The following GNB4 variants were observed in gnomAD, a reference collection of about 807,000 sequenced individuals.
GNB4 encodes the protein guanine nucleotide-binding protein subunit beta-4.
A neutral mutation model predicts 45.2 loss-of-function variants in GNB4; 28 were observed. That is an observed-to-expected ratio of 0.62 (90% confidence interval 0.46 to 0.85). The LOEUF is 0.85. GNB4 is among the 40% of genes least tolerant of loss of function. GNB4 has a pLI of 0.00. For synonymous variants in GNB4, 132 were observed against 143.7 expected, an observed-to-expected ratio of 0.92 and a Z score of 0.58; for missense variants, 321 against 425.4, an observed-to-expected ratio of 0.75 and a Z score of 2.16.
chr3:179,405,171 T>C lies in GNB4; in HGVS notation c.916+19A>G. On this transcript the variant is annotated intron_variant, in intron 9 of 9. Coordinates refer to ENST00000232564, the MANE Select transcript of GNB4 (RefSeq NM_021629.4). ...ACGCTTCCTGAAAATCAGAACCTAATGTGGACTTATTTACTAACCTGCACG... is the reference window on the plus strand; with the variant it reads ...ACGCTTCCTGAAAATCAGAACCTAACGTGGACTTATTTACTAACCTGCACG... 2 of 1,589,862 alleles carry C rather than the reference T, an allele frequency of 1.3e-6. No individual in the cohort carries two copies. Among genetic ancestry groups the C allele is most frequent in the Non-Finnish European group, 1.7e-6 (2 of 1,160,758 alleles).
rs201472686 is a variant in GNB4 at position 179,405,160 on chromosome 3, T to C, written c.916+30A>G. On this transcript the variant is annotated intron_variant, in intron 9 of 9. Transcript: ENST00000232564. ...GGAACCTCTTCACGCTTCCTGAAAA[T>C]CAGAACCTAATGTGGACTTATTTAC... 1.2e-5 allele frequency: 18 copies of C among 1,560,646 alleles called. No individual in the cohort carries two copies. The African/African-American group carries it at 1.6e-4, about 14-fold the overall frequency.
the GNB4 span, among the ~76,000 whole-genome samples, chr3:179,517,811 G>A: frequency 3.9e-5 from 6 of 152,286 alleles, no homozygotes; most frequent in African/African-American, 7.2e-5. Flanking sequence ...CACCGGTAAC[G>A]GACTCGGGAA....
At chr3:179,415,690 C>T (rs548724753) in intron 5 of GNB4, among the ~76,000 whole-genome samples, 27 of 152,202 alleles carry the variant, frequency 1.8e-4, no homozygotes, top group East Asian at 1.5e-3. Flanking sequence ...GGAATCAACA[C>T]GTGGCAGGAT....
chr3:179,525,837 T>C, the GNB4 span, among the ~76,000 whole-genome samples: 1 of 152,224 alleles, frequency 6.6e-6, no homozygotes, highest in Non-Finnish European at 1.5e-5. Context: ...ATTGGTGAGA[T>C]GTTCCTTGGG....
chr3:179,462,156 A>G, the GNB4 span, among the ~76,000 whole-genome samples: 1 of 147,574 alleles, frequency 6.8e-6, no homozygotes, highest in Non-Finnish European at 1.5e-5. Flanking sequence ...TCCTTTGTGT[A>G]TGTCTGTGTG....
chr3:179,523,624 G>A, the GNB4 span, among the ~76,000 whole-genome samples: 1 of 152,198 alleles, frequency 6.6e-6, no homozygotes, highest in South Asian at 2.1e-4. Flanking sequence ...GCTGTAACAG[G>A]TGAGTGATAA....
chr3:179,449,190 A>G (rs913911578), intron 1 of GNB4, among the ~76,000 whole-genome samples: 1 of 152,210 alleles, frequency 6.6e-6, no homozygotes, highest in African/African-American at 2.4e-5. Context: ...TTATAACTCT[A>G]TCTCTAGAGA....
the GNB4 span, among the ~76,000 whole-genome samples, chr3:179,471,902 C>T: frequency 6.6e-6 from 1 of 152,072 alleles, no homozygotes; most frequent in South Asian, 2.1e-4. Context: ...GTACTAAGAG[C>T]ATTAAAACTC....
chr3:179,495,950 G>C, the GNB4 span, among the ~76,000 whole-genome samples: 4 of 152,136 alleles, frequency 2.6e-5, no homozygotes, highest in Non-Finnish European at 5.9e-5. Flanking sequence ...CTTATAAAAG[G>C]AGTTCTTCAG....
In GNB4 at chr3:179,413,566, C is replaced by T; in HGVS notation, c.545G>A (p.Gly182Glu). 2.5e-6 allele frequency: 4 copies of T among 1,614,104 alleles called. No individual in the cohort carries two copies. Among genetic ancestry groups the T allele is most frequent in the Non-Finnish European group, 3.4e-6 (4 of 1,180,020 alleles). The part of the protein sequence containing the change: ...ETAQQTTTFT[G>E]HSGDVMSLSL... ...AAGACTCATCACATCTCCAGAATGC[C>T]CAGTGAATGTGGTGGTCTGCTGGGC... Residue 182 changes from glycine (G) to glutamate (E), a missense_variant, in exon 8 of 10, where the codon GGG becomes GAG. Physicochemically the swap from Gly to Glu is moderately conservative, Grantham distance 98. Transcript: ENST00000232564.
At chr3:179,495,265 C>G in the GNB4 span, among the ~76,000 whole-genome samples, 1 of 151,434 alleles carries the variant, frequency 6.6e-6, no homozygotes, top group Non-Finnish European at 1.5e-5. Flanking sequence ...TGCCTGAGCT[C>G]AGGAGTTCAG....
chr3:179,427,364 G>A (rs1297509113), intron 1 of GNB4, among the ~76,000 whole-genome samples: 1 of 151,978 alleles, frequency 6.6e-6, no homozygotes, highest in Non-Finnish European at 1.5e-5. Context: ...CATCACTTTG[G>A]GAGGCTGAGG....
chr3:179,508,164 A>G, the GNB4 span, among the ~76,000 whole-genome samples: 3 of 152,206 alleles, frequency 2.0e-5, no homozygotes, highest in African/African-American at 7.2e-5. Context: ...TTAACTTTTT[A>G]AAAATAGAGA....
At chr3:179,402,212 G>A (rs1237971111) in intron 9 of GNB4, among the ~76,000 whole-genome samples, 1 of 152,186 alleles carries the variant, frequency 6.6e-6, no homozygotes, top group Non-Finnish European at 1.5e-5. Context: ...TCACACTGGA[G>A]AGGGAAATGA....
rs963768484 is a variant in GNB4, at chr3:179,425,726, C to A, written c.57+418G>T. Among the ~76,000 whole-genome samples the A allele has an allele frequency of 1.4e-4, 21 of 152,224 alleles. 1 individual carries two copies. The highest frequency in any genetic ancestry group is 1.0e-4 in the Non-Finnish European group (7 of 68,044). ...CCTCAGGTGATCCACCTGCCTCAGC[C>A]TCCCAAAGTGCTGGGATTACAGGCA... On this transcript the variant is annotated intron_variant, in intron 2 of 9. Transcript: ENST00000232564.
At chr3:179,493,910 CTCTT>C in the GNB4 span, among the ~76,000 whole-genome samples, 1 of 152,190 alleles carries the variant, frequency 6.6e-6, no homozygotes, top group East Asian at 1.9e-4. Context: ...ATTTTGATCT[CTCTT>C]TCTTTTCCCT....
chr3:179,420,455 CAT>C (rs770638167), intron 3 of GNB4, among the ~76,000 whole-genome samples: 3 of 102,060 alleles, frequency 2.9e-5, no homozygotes, highest in Admixed American at 1.3e-4. Flanking sequence ...AATATATATA[CAT>C]ATATATATAT....
At chr3:179,501,850 C>G in the GNB4 span, among the ~76,000 whole-genome samples, 195 of 152,248 alleles carry the variant, frequency 1.3e-3, 2 homozygotes, top group Non-Finnish European at 1.7e-3. Context: ...AGCATCTGAC[C>G]TCTTCTCGCC....
intron 3 of GNB4, among the ~76,000 whole-genome samples, chr3:179,420,526 G>A (rs11717019): frequency 0.18 from 27,561 of 150,584 alleles, 3,066 homozygotes; most frequent in East Asian, 0.35. Context: ...ACAATGGTGC[G>A]ATCTCAGCTC....
Sources: gnomAD v4.1 joint callset for allele counts (sites outside exome capture counted in the v4.1 genomes callset) on GRCh38, gnomAD v4.1.1 for gene constraint, MANE v1.5 for transcripts, NCBI Gene and HGNC (gene_info 2026-07-23, HGNC 2026-07-21) for gene names.